Variants in SHC3 observed in about 807,000 individuals in gnomAD.
SHC3 encodes the protein SHC adaptor protein 3.
A neutral mutation model predicts 60.4 loss-of-function variants in SHC3; 15 were observed. The observed-to-expected ratio is 0.25, with a 90% CI of 0.17 to 0.38. The LOEUF is 0.38. SHC3 is among the 10% of genes least tolerant of loss of function. SHC3 has a pLI of 1.00. For synonymous variants in SHC3, 294 were observed against 325.9 expected, an observed-to-expected ratio of 0.90 and a Z score of 1.05; for missense variants, 677 against 786.1, an observed-to-expected ratio of 0.86 and a Z score of 1.66.
intron 1 of SHC3, among the ~76,000 whole-genome samples, chr9:89,171,780 T>A (rs551833570): frequency 1.1e-4 from 17 of 152,304 alleles, no homozygotes; most frequent in Middle Eastern, 6.8e-3. Context: ...TCTTCCAGCA[T>A]CTAGGCTTCA....
At position 89,145,265 on chromosome 9, in the gene SHC3, G is replaced by A. The variant is rs1826452366; in HGVS notation, c.475-32639C>T. 2.6e-5 allele frequency among the ~76,000 whole-genome samples: 4 copies of A among 152,338 alleles called. No individual in the cohort carries two copies. In the South Asian group the frequency reaches 8.3e-4, roughly 32 times the overall value. ...AACACCATGCATACATCAGAGGACT[G>A]ACGCATTAGCACAGAGAGCACTAAG... On this transcript the variant is annotated intron_variant, in intron 1 of 11. Coordinates refer to ENST00000375835, the MANE Select transcript of SHC3 (RefSeq NM_016848.6).
At chr9:89,066,797 C>T (rs7033218) in intron 5 of SHC3, among the ~76,000 whole-genome samples, 10,194 of 152,244 alleles carry the variant, frequency 0.067, 477 homozygotes, top group Middle Eastern at 0.12. Flanking sequence ...AGGAGACATC[C>T]CCTTCTCTCT....
At chr9:89,087,749 G>A (rs988325093) in intron 2 of SHC3, among the ~76,000 whole-genome samples, 1 of 152,088 alleles carries the variant, frequency 6.6e-6, no homozygotes, top group African/African-American at 2.4e-5. Context: ...CAAAGTAAAC[G>A]TGAAAAACTA....
At chr9:89,153,289 C>T (rs1826570831) in intron 1 of SHC3, among the ~76,000 whole-genome samples, 1 of 152,094 alleles carries the variant, frequency 6.6e-6, no homozygotes, top group African/African-American at 2.4e-5. Flanking sequence ...CATAGGCAAT[C>T]CCCCCAGAAT....
chr9:89,013,902 C>T (rs1774132215), intron 11 of SHC3, among the ~76,000 whole-genome samples: 2 of 152,208 alleles, frequency 1.3e-5, no homozygotes, highest in South Asian at 4.1e-4. Flanking sequence ...CCTGTCTCTC[C>T]TGCTCCCTCC....
chr9:89,155,131 C>A (rs1826604021), intron 1 of SHC3, among the ~76,000 whole-genome samples: 1 of 152,178 alleles, frequency 6.6e-6, no homozygotes, highest in African/African-American at 2.4e-5. Context: ...CTGCTGACCC[C>A]CTCTCTGTGC....
intron 2 of SHC3, chr9:89,109,070 A>G (rs1385897760): frequency 2.0e-6 from 2 of 985,422 alleles, no homozygotes; most frequent in African/African-American, 1.7e-5. Flanking sequence ...CTCAATGTCC[A>G]TCTTCCACTC....
chr9:89,050,773 T>C (rs1300691115), intron 7 of SHC3, among the ~76,000 whole-genome samples: 1 of 152,240 alleles, frequency 6.6e-6, no homozygotes, highest in Non-Finnish European at 1.5e-5. Context: ...TTAACTACTA[T>C]GTCCCATTAT....
At chr9:89,076,298 C>T (rs772527103) in intron 3 of SHC3, among the ~76,000 whole-genome samples, 3 of 152,128 alleles carry the variant, frequency 2.0e-5, no homozygotes, top group Non-Finnish European at 4.4e-5. Context: ...AGTTCTCTTC[C>T]GAAACCCAGC....
chr9:89,065,684 C>A (rs1036761677), intron 5 of SHC3, 104 bp from the exon 6 acceptor site: 5 of 1,132,542 alleles, frequency 4.4e-6, no homozygotes, highest in Non-Finnish European at 6.6e-6. Flanking sequence ...ACTCAACCAC[C>A]AAACAGCTAA....
At chr9:89,089,292 C>T (rs563752168) in intron 2 of SHC3, among the ~76,000 whole-genome samples, 1 of 152,154 alleles carries the variant, frequency 6.6e-6, no homozygotes, top group Non-Finnish European at 1.5e-5. Context: ...AAAGAGGAAA[C>T]CTTAGAAAGG....
intron 2 of SHC3, among the ~76,000 whole-genome samples, chr9:89,081,154 A>G (rs1416208674): frequency 6.6e-6 from 1 of 152,232 alleles, no homozygotes; most frequent in Non-Finnish European, 1.5e-5. Flanking sequence ...ACTCAATAGC[A>G]TAAAAAATTT....
chr9:89,067,795 G>A (rs749136343), intron 5 of SHC3, among the ~76,000 whole-genome samples: 31 of 152,318 alleles, frequency 2.0e-4, no homozygotes, highest in Non-Finnish European at 4.1e-4. Context: ...TACATTGAAT[G>A]TCATTGGCCT....
intron 11 of SHC3, among the ~76,000 whole-genome samples, chr9:89,029,818 T>TA (rs1287805549): frequency 1.3e-5 from 2 of 152,068 alleles, no homozygotes; most frequent in Non-Finnish European, 2.9e-5. Context: ...AAAGCATCTG[T>TA]AAAAAAAGTA....
chr9:89,071,713 G>A (rs910384006), intron 4 of SHC3, among the ~76,000 whole-genome samples: 1 of 150,800 alleles, frequency 6.6e-6, no homozygotes, highest in African/African-American at 2.4e-5. Flanking sequence ...TAATGAAGAT[G>A]GCACCCAACA....
intron 5 of SHC3, among the ~76,000 whole-genome samples, chr9:89,066,810 A>G (rs1564115857): frequency 6.6e-6 from 1 of 152,116 alleles, no homozygotes; most frequent in Non-Finnish European, 1.5e-5. Context: ...TTCTCTCTCA[A>G]CAGTGCCCTA....
chr9:89,067,133 C>T (rs1340705680), intron 5 of SHC3, among the ~76,000 whole-genome samples: 1 of 152,214 alleles, frequency 6.6e-6, no homozygotes. Context: ...AAAGATCGTC[C>T]ACCTGGTCAA....
chr9:89,123,251 A>C (rs2118145887), intron 1 of SHC3, among the ~76,000 whole-genome samples: 1 of 152,336 alleles, frequency 6.6e-6, no homozygotes, highest in Admixed American at 6.5e-5. Flanking sequence ...TACTTGCACA[A>C]CTTCAAATAA....
chr9:89,093,156 T>C (rs1232143593), intron 2 of SHC3, among the ~76,000 whole-genome samples: 1 of 152,210 alleles, frequency 6.6e-6, no homozygotes, highest in Non-Finnish European at 1.5e-5. Flanking sequence ...TAAGCACCTG[T>C]ACAATTTCAC....
Sources: gnomAD v4.1 joint callset for allele counts (sites outside exome capture counted in the v4.1 genomes callset) on GRCh38, gnomAD v4.1.1 for gene constraint, MANE v1.5 for transcripts, NCBI Gene and HGNC (gene_info 2026-07-23, HGNC 2026-07-21) for gene names.